The following DAAM2 variants were observed in gnomAD, a reference collection of about 807,000 sequenced individuals.
DAAM2 encodes disheveled-associated activator of morphogenesis 2.
Under a neutral mutation model 120.7 loss-of-function variants are expected in DAAM2, and 39 were observed. That is an observed-to-expected ratio of 0.32 (90% CI 0.25 to 0.42). DAAM2 has a LOEUF of 0.42. DAAM2 is among the 10% of genes least tolerant of loss of function. The pLI, the probability that DAAM2 is intolerant of heterozygous loss-of-function variation, is 1.00. For synonymous variants in DAAM2, 488 were observed against 524.9 expected (o/e 0.93, Z 0.96); for missense variants, 1,283 against 1,401.7 (o/e 0.92, Z 1.35).
chr6:39,892,284 G>T (rs759042578), intron 19 of DAAM2, among the ~76,000 whole-genome samples: 1 of 152,224 alleles, frequency 6.6e-6, no homozygotes, highest in Non-Finnish European at 1.5e-5. Flanking sequence ...ACTCTGCTTG[G>T]TTGGTCCTCA....
At chr6:39,844,712 A>G (rs1480009578) in intron 1 of DAAM2, among the ~76,000 whole-genome samples, 1 of 152,120 alleles carries the variant, frequency 6.6e-6, no homozygotes, top group Non-Finnish European at 1.5e-5. Flanking sequence ...TTTATAAACG[A>G]AGAGCGGGCT....
intron 5 of DAAM2, among the ~76,000 whole-genome samples, chr6:39,865,939 A>G (rs1764412238): frequency 6.6e-6 from 1 of 152,248 alleles, no homozygotes; most frequent in South Asian, 2.1e-4. Flanking sequence ...CCAACTCTGC[A>G]TTCAATGACA....
intron 1 of DAAM2, among the ~76,000 whole-genome samples, chr6:39,835,575 C>G (rs938059408): frequency 6.6e-6 from 1 of 152,180 alleles, no homozygotes; most frequent in Non-Finnish European, 1.5e-5. Flanking sequence ...AGTTGGTGCT[C>G]AGAGAACATT....
intron 21 of DAAM2, among the ~76,000 whole-genome samples, chr6:39,898,194 G>A (rs575033677): frequency 6.6e-6 from 1 of 152,354 alleles, no homozygotes; most frequent in African/African-American, 2.4e-5. Context: ...GTGTGGAATA[G>A]TTACTTCAGT....
At chr6:39,831,416 T>C (rs116260177) in intron 1 of DAAM2, among the ~76,000 whole-genome samples, 4,378 of 152,110 alleles carry the variant, frequency 0.029, 189 homozygotes, top group African/African-American at 0.091. Flanking sequence ...CCTGACTCAC[T>C]AAATTAATCC....
At chr6:39,883,171 G>C (rs1242421013) in intron 14 of DAAM2, among the ~76,000 whole-genome samples, 2 of 135,550 alleles carry the variant, frequency 1.5e-5, no homozygotes, top group Non-Finnish European at 3.1e-5. Flanking sequence ...AGGGTGCTAC[G>C]AGACTGCCAG....
At chr6:39,864,711 C>T (rs1296037232) in intron 4 of DAAM2, among the ~76,000 whole-genome samples, 5 of 152,168 alleles carry the variant, frequency 3.3e-5, no homozygotes, top group African/African-American at 1.2e-4. Context: ...ATCTCAGAGT[C>T]CCCCAACCAT....
intron 1 of DAAM2, among the ~76,000 whole-genome samples, chr6:39,842,254 G>A (rs1209827091): frequency 6.6e-6 from 1 of 152,182 alleles, no homozygotes; most frequent in Non-Finnish European, 1.5e-5. Context: ...GGAGGACTGA[G>A]GACCTGCTGC....
In DAAM2 at chr6:39,904,715, A is replaced by G. The variant is rs920229454; in HGVS notation, c.*2678A>G. The G allele has an allele frequency of 3.1e-5, 14 of 454,014 alleles. No homozygotes were observed. Among genetic ancestry groups the G allele is most frequent in the African/African-American group, 2.4e-4 (12 of 50,010 alleles). 28.1% of individuals were successfully genotyped at this position (454,014 alleles called of 1,614,324 possible). A position where few individuals can be genotyped will look rare whatever the true frequency, so the allele number is the denominator to read the frequency against. ...CTATCTATCTCCCCCGACTTCTACC[A>G]GGGATGCCTTCACGCCAAGGCTGTT... On this transcript the variant is annotated 3_prime_UTR_variant, in exon 25 of 25. Transcript: ENST00000274867.
Position 39,870,384 on chromosome 6 carries a change from G to T in DAAM2, c.918G>T (p.Met306Ile). The T allele has an allele frequency of 6.3e-7, 1 of 1,587,404 alleles. No homozygotes were observed. The highest frequency in any genetic ancestry group is 8.6e-7 in the Non-Finnish European group (1 of 1,165,744). The change falls in exon 8 of 25, where the codon ATG becomes ATT. Residue 306 changes from methionine (M) to isoleucine (I), a missense_variant. Coordinates refer to ENST00000274867, the MANE Select transcript of DAAM2 (RefSeq NM_001201427.2). Reference protein sequence around the residue: ...FRLHLRYEFLMLGIQPVIDKL... With the variant: ...FRLHLRYEFLILGIQPVIDKL... Reference sequence around the variant, plus strand: ...TACATCTACGGTATGAATTCCTGATGCTGGGTATACAGCCTGTGATTGACA... The same window carrying T: ...TACATCTACGGTATGAATTCCTGATTCTGGGTATACAGCCTGTGATTGACA...
rs541669413 is a variant in DAAM2 at position 39,818,590 on chromosome 6, G to A, written c.-57+26125G>A. The stretch of plus-strand genomic sequence containing the variant: ...GTTGTAGCATGGCCTGGCCTCCAGG[G>A]TGACTAAATTTGAACACTGTTACTG... On this transcript the variant is annotated intron_variant, in intron 1 of 24. Coordinates refer to ENST00000274867, the MANE Select transcript of DAAM2 (RefSeq NM_001201427.2). Among the ~76,000 whole-genome samples, 6 of 152,318 alleles carry A rather than the reference G, an allele frequency of 3.9e-5. No individual in the cohort carries two copies. In the South Asian group the frequency reaches 1.0e-3, roughly 26 times the overall value.
chr6:39,879,588 TG>T (rs752410007), intron 14 of DAAM2, 111 bp downstream of exon 14: 12 of 1,457,522 alleles, frequency 8.2e-6, no homozygotes, highest in Non-Finnish European at 1.1e-5. Context: ...CTTTCTTTGG[TG>T]GGGGGTAAGG....
intron 3 of DAAM2, chr6:39,862,131 G>A (rs1764236422): frequency 6.6e-6 from 1 of 152,202 alleles, no homozygotes; most frequent in Non-Finnish European, 1.5e-5. Context: ...GGCCTAGAGA[G>A]GCAAAACTCA....
At chr6:39,867,034 GT>G (rs1012845760) in intron 5 of DAAM2, among the ~76,000 whole-genome samples, 2 of 152,158 alleles carry the variant, frequency 1.3e-5, no homozygotes, top group Non-Finnish European at 2.9e-5. Context: ...GGGTTTTAAT[GT>G]TTTTTTGCTA....
Position 39,888,766 on chromosome 6 carries a change from G to C in DAAM2, c.2145+3G>C. 6.2e-7 allele frequency: 1 copy of C among 1,610,776 alleles called. No individual in the cohort carries two copies. Among genetic ancestry groups the C allele is most frequent in the South Asian group, 1.1e-5 (1 of 90,800 alleles). On this transcript the variant is annotated splice_donor_region_variant and intron_variant, in intron 17 of 24. Coordinates refer to ENST00000274867, the MANE Select transcript of DAAM2 (RefSeq NM_001201427.2). Reference sequence around the variant, plus strand: ...TTGCTAAGGACATGCTGGAGCAGGTGAGGACCCTCGTGGGAAGGAAGGGGA... The same window carrying C: ...TTGCTAAGGACATGCTGGAGCAGGTCAGGACCCTCGTGGGAAGGAAGGGGA...
intron 1 of DAAM2, among the ~76,000 whole-genome samples, chr6:39,799,150 A>C (rs987643679): frequency 6.6e-6 from 1 of 151,918 alleles, no homozygotes; most frequent in Non-Finnish European, 1.5e-5. Context: ...TCGTCTCCCC[A>C]CTGTTTGGTG....
intron 1 of DAAM2, among the ~76,000 whole-genome samples, chr6:39,810,732 C>G (rs999354761): frequency 6.6e-6 from 1 of 152,166 alleles, no homozygotes; most frequent in Non-Finnish European, 1.5e-5. Context: ...AGACCTCACC[C>G]GAAACCACAT....
In DAAM2 at chr6:39,898,823, C is replaced by T. The variant is rs878932910; in HGVS notation, c.2619-54C>T. On this transcript the variant is annotated intron_variant, in intron 21 of 24. Coordinates refer to ENST00000274867, the MANE Select transcript of DAAM2 (RefSeq NM_001201427.2). ...CCCTCTCCCTGAACCAGCCTTAGCA[C>T]CTCAAGGCGGGAGTTGATGGTCCTC... 63 of 1,485,620 alleles carry T rather than the reference C, an allele frequency of 4.2e-5. 2 individuals are homozygous for T. In the South Asian group the frequency reaches 7.0e-4, roughly 16 times the overall value. 92.0% of individuals were successfully genotyped at this position (1,485,620 alleles called of 1,614,324 possible).
chr6:39,817,286 A>G (rs146497936), intron 1 of DAAM2, among the ~76,000 whole-genome samples: 5 of 152,340 alleles, frequency 3.3e-5, no homozygotes, highest in African/African-American at 4.8e-5. Flanking sequence ...AATGTCTTAA[A>G]TCTAAGATAA....
Sources: allele counts gnomAD v4.1 joint callset (sites outside exome capture counted in the v4.1 genomes callset), GRCh38; gene constraint gnomAD v4.1.1; transcripts MANE v1.5; gene names NCBI Gene and HGNC (gene_info 2026-07-23, HGNC 2026-07-21).